Variants in MAP2K5 observed in about 807,000 individuals in gnomAD.
MAP2K5 encodes dual specificity mitogen-activated protein kinase kinase 5.
A neutral mutation model predicts 83.1 loss-of-function variants in MAP2K5; 49 were observed. The observed-to-expected ratio is 0.59, with a 90% CI of 0.47 to 0.75. The LOEUF (loss-of-function observed/expected upper bound fraction) is 0.75. MAP2K5 is among the 30% of genes least tolerant of loss of function. The pLI is 0.00. For synonymous variants in MAP2K5, 202 were observed against 191.8 expected, an observed-to-expected ratio of 1.05 and a Z score of -0.44; for missense variants, 457 against 557.5, an observed-to-expected ratio of 0.82 and a Z score of 1.82.
chr15:67,771,557 G>A (rs1386631742), intron 20 of MAP2K5, among the ~76,000 whole-genome samples: 1 of 152,178 alleles, frequency 6.6e-6, no homozygotes, highest in Admixed American at 6.5e-5. Context: ...TAATAGCCTT[G>A]TTTTCCCAAG....
rs553366507 is a variant in MAP2K5, at chr15:67,768,820, C to G, written c.1135-782C>G. 5.3e-5 allele frequency among the ~76,000 whole-genome samples: 8 copies of G among 152,288 alleles called. No individual in the cohort carries two copies. Among genetic ancestry groups the G allele is most frequent in the African/African-American group, 1.9e-4 (8 of 41,564 alleles). ...TACACTATAAACACAGTGGCGCTCT[C>G]TGTCATTCTTGGAAAAACTCCTAAA... On this transcript the variant is annotated intron_variant, in intron 19 of 21. Transcript: ENST00000178640. This position sits in a 1 kb window ranked among gnomAD's most constrained non-coding sequence, Gnocchi z 4.0.
At chr15:67,548,917 A>G (rs2084449904) in intron 1 of MAP2K5, 5 of 835,642 alleles carry the variant, frequency 6.0e-6, no homozygotes, top group Non-Finnish European at 8.4e-6. Context: ...ATTTTTGAAA[A>G]AAAAAAAAAG....
chr15:67,629,023 G>T (rs2086396291), intron 8 of MAP2K5: 1 of 754,980 alleles, frequency 1.3e-6, no homozygotes, highest in Non-Finnish European at 2.4e-6. Context: ...TTTGGAGGCA[G>T]AAGCTCTGGC....
intron 15 of MAP2K5, among the ~76,000 whole-genome samples, chr15:67,694,890 A>C (rs1475817035): frequency 2.0e-5 from 3 of 152,230 alleles, no homozygotes; most frequent in South Asian, 4.1e-4. Context: ...CAGGATTAAA[A>C]AAATGTGGCA....
In MAP2K5 at chr15:67,795,635, T is replaced by C. The variant is rs181564558; in HGVS notation, c.1243-11011T>C. On this transcript the variant is annotated intron_variant, in intron 21 of 21. Transcript: ENST00000178640. ...TTGTTTAGACTCCCTTAGAACATGGTCATTTGGTTTTTCCCCCCAGTGTTC... is the reference window on the plus strand; with the variant it reads ...TTGTTTAGACTCCCTTAGAACATGGCCATTTGGTTTTTCCCCCCAGTGTTC... 3.3e-3 allele frequency among the ~76,000 whole-genome samples: 506 copies of C among 152,322 alleles called. 2 individuals are homozygous for C. The highest frequency in any genetic ancestry group is 5.0e-3 in the Non-Finnish European group (342 of 68,022).
chr15:67,791,721 G>A (rs2090522075), intron 21 of MAP2K5, among the ~76,000 whole-genome samples: 1 of 152,286 alleles, frequency 6.6e-6, no homozygotes, highest in South Asian at 2.1e-4. Flanking sequence ...TTGTGACACT[G>A]AAATAAGATA....
intron 8 of MAP2K5, among the ~76,000 whole-genome samples, chr15:67,626,678 C>T (rs541721760): frequency 6.6e-6 from 1 of 151,874 alleles, no homozygotes; most frequent in African/African-American, 2.4e-5. Context: ...GTGGGAGGAT[C>T]GCTTGAGGCT....
At chr15:67,556,680 T>G (rs555135112) in intron 2 of MAP2K5, among the ~76,000 whole-genome samples, 1 of 151,970 alleles carries the variant, frequency 6.6e-6, no homozygotes, top group Admixed American at 6.6e-5. Flanking sequence ...GCCTCCCTAG[T>G]AGCTGGGATT....
chr15:67,604,678 C>T (rs950045705), intron 8 of MAP2K5, among the ~76,000 whole-genome samples: 6 of 151,948 alleles, frequency 3.9e-5, no homozygotes, highest in African/African-American at 1.4e-4. Flanking sequence ...AGGTGGATCA[C>T]GAGGTCAAGA....
At chr15:67,800,512 A>C (rs987060593) in intron 21 of MAP2K5, among the ~76,000 whole-genome samples, 1 of 152,198 alleles carries the variant, frequency 6.6e-6, no homozygotes, top group South Asian at 2.1e-4. Context: ...TGCCTTCCCA[A>C]CTTAGGCATC....
In MAP2K5 at chr15:67,587,026, T is replaced by C. The variant is rs1244189455; in HGVS notation, c.431+113T>C. The C allele has an allele frequency of 6.9e-6, 7 of 1,020,526 alleles. No individual in the cohort carries two copies. The highest frequency in any genetic ancestry group is 6.3e-5 in the African/African-American group (4 of 63,556). The allele number at this position is 1,020,526 out of a possible 1,614,324, so 63.2% of individuals were successfully genotyped here. ...CCAGTTAGATAACCTAGCTACGTAT[T>C]GACCAAAGAGAAAGGACCTCATATG... is the stretch of plus-strand genomic sequence containing the variant. On this transcript the variant is annotated intron_variant, in intron 6 of 21. Transcript: ENST00000178640. This position sits in a 1 kb window ranked among gnomAD's most constrained non-coding sequence, Gnocchi z 4.8.
intron 1 of MAP2K5, among the ~76,000 whole-genome samples, chr15:67,547,708 C>T (rs984331327): frequency 5.9e-5 from 9 of 152,100 alleles, no homozygotes; most frequent in African/African-American, 1.9e-4. Context: ...CCACCCACTT[C>T]GGCCCCCCAA....
In MAP2K5 at chr15:67,757,107, A is replaced by G. The variant is rs995296532; in HGVS notation, c.1134+8506A>G. On this transcript the variant is annotated intron_variant, in intron 19 of 21. Coordinates refer to ENST00000178640, the MANE Select transcript of MAP2K5 (RefSeq NM_145160.3). The surrounding 1 kb of genome is among the most constrained non-coding windows in gnomAD (Gnocchi z 4.9). ...GCGTAGTTCTTTTTTTAGTTTTTTG[A>G]GGAACCTCCTCCATGCTGTTTTCCA... is the stretch of plus-strand genomic sequence containing the variant. Among the ~76,000 whole-genome samples the G allele has an allele frequency of 2.0e-5, 3 of 151,582 alleles. No individual in the cohort carries two copies. Among genetic ancestry groups the G allele is most frequent in the Admixed American group, 6.6e-5 (1 of 15,194 alleles).
chr15:67,567,450 C>T (rs1029705715), intron 3 of MAP2K5, among the ~76,000 whole-genome samples: 1 of 151,422 alleles, frequency 6.6e-6, no homozygotes, highest in South Asian at 2.1e-4. Flanking sequence ...CTGCAAGCTC[C>T]GCTTCCCGGG....
chr15:67,600,589 C>T, intron 7 of MAP2K5, 96 bp from the exon 8 acceptor site: 1 of 883,472 alleles, frequency 1.1e-6, no homozygotes, highest in East Asian at 2.6e-5. Flanking sequence ...TTGAAATGAC[C>T]CAGACTGCTT....
rs766685514 is a variant in MAP2K5, at chr15:67,690,293, G to A, written c.848-2186G>A. ...TTTAAGTGTCTACTGTGGCTATGAT[G>A]TGTTGTGCTAACTACTGGGGCACAC... On this transcript the variant is annotated intron_variant, in intron 13 of 21. Transcript: ENST00000178640. This position sits in a 1 kb window ranked among gnomAD's most constrained non-coding sequence, Gnocchi z 4.3. Among the ~76,000 whole-genome samples the A allele has an allele frequency of 3.3e-5, 5 of 152,154 alleles. No individual in the cohort carries two copies. The highest frequency in any genetic ancestry group is 7.3e-5 in the Non-Finnish European group (5 of 68,044).
At chr15:67,643,433 A>G (rs1183760570) in intron 9 of MAP2K5, among the ~76,000 whole-genome samples, 1 of 152,076 alleles carries the variant, frequency 6.6e-6, no homozygotes, top group African/African-American at 2.4e-5. Flanking sequence ...GATCTTATAA[A>G]TAACCCCAAA....
chr15:67,761,430 G>A (rs1470263750), intron 19 of MAP2K5, among the ~76,000 whole-genome samples: 2 of 152,200 alleles, frequency 1.3e-5, no homozygotes, highest in Non-Finnish European at 2.9e-5. Context: ...CTTTGAATTT[G>A]TTTAAAAATG....
intron 9 of MAP2K5, among the ~76,000 whole-genome samples, chr15:67,639,505 C>T (rs1470782378): frequency 6.6e-6 from 1 of 152,156 alleles, no homozygotes; most frequent in Non-Finnish European, 1.5e-5. Flanking sequence ...AGTAGTGGAG[C>T]CAGGATTTAA....
Sources: gnomAD v4.1 joint callset for allele counts (sites outside exome capture counted in the v4.1 genomes callset) on GRCh38, gnomAD v4.1.1 for gene constraint, Gnocchi (gnomAD v3.1) non-coding constraint, MANE v1.5 for transcripts, NCBI Gene and HGNC (gene_info 2026-07-23, HGNC 2026-07-21) for gene names.